RAB27A: variants seen among roughly 807,000 people sequenced by gnomAD.
RAB27A encodes the protein RAB27A, member RAS oncogene family.
A neutral mutation model predicts 20.8 loss-of-function variants in RAB27A; 17 were observed. That is an observed-to-expected ratio of 0.82 (90% CI 0.56 to 1.23). The LOEUF (loss-of-function observed/expected upper bound fraction) is 1.23, where lower values mean the gene tolerates loss of function less well. Ranked by LOEUF, RAB27A falls within the 50% of genes most tolerant of loss-of-function variation. The probability of loss-of-function intolerance (pLI) is 0.00; values close to 1 mark genes in which losing one functional copy is unlikely to be tolerated. For synonymous variants in RAB27A, 85 were observed against 92.8 expected, an observed-to-expected ratio of 0.92 and a Z score of 0.48; for missense variants, 277 against 266.7, an observed-to-expected ratio of 1.04 and a Z score of -0.27.
intron 2 of RAB27A, among the ~76,000 whole-genome samples, chr15:55,265,946 T>C (rs1481671024): frequency 1.3e-5 from 2 of 152,180 alleles, no homozygotes; most frequent in Non-Finnish European, 1.5e-5. Context: ...CCACGGGCTC[T>C]TTATGCAGGA....
At chr15:55,299,141 A>C (rs950845388) in intron 2 of RAB27A, among the ~76,000 whole-genome samples, 35 of 152,268 alleles carry the variant, frequency 2.3e-4, no homozygotes. Flanking sequence ...ATAAGTGTCC[A>C]TGAAATTGTC....
intron 6 of RAB27A, among the ~76,000 whole-genome samples, chr15:55,213,015 A>C (rs1029260395): frequency 3.3e-5 from 5 of 152,242 alleles, no homozygotes; most frequent in Admixed American, 3.3e-4. Flanking sequence ...AGGATTAATC[A>C]AGTGACAAAT....
intron 2 of RAB27A, among the ~76,000 whole-genome samples, chr15:55,244,339 C>G (rs375249007): frequency 6.6e-6 from 1 of 151,738 alleles, no homozygotes; most frequent in Admixed American, 6.6e-5. Context: ...ACAAACAAAA[C>G]AAAACAAAAA....
chr15:55,227,731 T>G (rs997060825), intron 5 of RAB27A, among the ~76,000 whole-genome samples: 2 of 152,156 alleles, frequency 1.3e-5, no homozygotes, highest in South Asian at 4.1e-4. Context: ...AAAACCACAG[T>G]GCACTAAATT....
intron 1 of RAB27A, among the ~76,000 whole-genome samples, chr15:55,281,634 G>A (rs889899888): frequency 6.6e-6 from 1 of 151,824 alleles, no homozygotes; most frequent in African/African-American, 2.4e-5. Flanking sequence ...ATCCACTTGA[G>A]CCCAGGATGT....
chr15:55,280,229 T>C (rs746295686), intron 1 of RAB27A, among the ~76,000 whole-genome samples: 68 of 152,082 alleles, frequency 4.5e-4, no homozygotes, highest in Non-Finnish European at 6.5e-4. Flanking sequence ...GTTTGAACAA[T>C]GCATAGAGAG....
intron 6 of RAB27A, chr15:55,206,343 G>C (rs994996505): frequency 1.3e-6 from 1 of 755,384 alleles, no homozygotes; most frequent in Non-Finnish European, 1.6e-6. Flanking sequence ...ATCTTTTTTC[G>C]TTTAAGTTTT....
At chr15:55,219,834 A>T (rs1895481289) in intron 6 of RAB27A, among the ~76,000 whole-genome samples, 1 of 152,130 alleles carries the variant, frequency 6.6e-6, no homozygotes, top group Admixed American at 6.6e-5. Flanking sequence ...GGAAACCATT[A>T]TGTTGCATTT....
chr15:55,256,136 C>T (rs116286795), intron 2 of RAB27A, among the ~76,000 whole-genome samples: 1,842 of 152,212 alleles, frequency 0.012, 47 homozygotes, highest in African/African-American at 0.042. Flanking sequence ...AGCAATCTGT[C>T]GGGCATGGAG....
upstream of RAB27A, among the ~76,000 whole-genome samples, chr15:55,292,515 C>T (rs1419329662): frequency 6.6e-6 from 1 of 152,156 alleles, no homozygotes; most frequent in Non-Finnish European, 1.5e-5. Context: ...ACATATTTGA[C>T]ATATTTAGGA....
chr15:55,308,400 T>C (rs1247302732), intron 2 of RAB27A, among the ~76,000 whole-genome samples: 1 of 152,230 alleles, frequency 6.6e-6, no homozygotes. Context: ...TTTTTCCTTC[T>C]CCTAATTCTA....
chr15:55,266,791 A>G (rs746193714), intron 2 of RAB27A, among the ~76,000 whole-genome samples: 45 of 152,118 alleles, frequency 3.0e-4, no homozygotes, highest in African/African-American at 9.9e-4. Flanking sequence ...TCTCAGACAC[A>G]CTCTCAACTA....
intron 2 of RAB27A, among the ~76,000 whole-genome samples, chr15:55,269,347 C>T (rs1897624679): frequency 6.6e-6 from 1 of 152,136 alleles, no homozygotes; most frequent in African/African-American, 2.4e-5. Context: ...ATAACAATAC[C>T]CTTATCAAAC....
At chr15:55,244,823 T>C (rs1452440680) in intron 2 of RAB27A, among the ~76,000 whole-genome samples, 1 of 152,218 alleles carries the variant, frequency 6.6e-6, no homozygotes, top group Non-Finnish European at 1.5e-5. Context: ...GTTCAGTGAT[T>C]GATTTGGAGA....
At chr15:55,256,454 A>T (rs1308560078) in intron 2 of RAB27A, among the ~76,000 whole-genome samples, 2 of 152,186 alleles carry the variant, frequency 1.3e-5, no homozygotes, top group Admixed American at 6.5e-5. Flanking sequence ...CCGTGACTCA[A>T]AGCAAGAGCC....
intron 1 of RAB27A, among the ~76,000 whole-genome samples, chr15:55,273,633 C>T (rs1468192544): frequency 6.6e-6 from 1 of 152,000 alleles, no homozygotes; most frequent in Admixed American, 6.6e-5. Flanking sequence ...AAGTAAAAAA[C>T]AGTCCCAAGA....
intron 2 of RAB27A, among the ~76,000 whole-genome samples, chr15:55,243,879 A>G (rs1172011390): frequency 6.6e-6 from 1 of 152,202 alleles, no homozygotes; most frequent in African/African-American, 2.4e-5. Context: ...TGGGTTTTCA[A>G]ATAAGTCCAT....
chr15:55,241,628 G>A lies in RAB27A; in HGVS notation c.-22-6672C>T, dbSNP rs1392137053. ...TATATATATATATATATATATATGT[G>A]TGTATATATATTTGTTTTTTTTTTT... On this transcript the variant is annotated intron_variant, in intron 2 of 6. Transcript: ENST00000336787. Among the ~76,000 whole-genome samples the A allele has an allele frequency of 4.4e-3, 518 of 117,438 alleles. 11 individuals are homozygous for A. Among genetic ancestry groups the A allele is most frequent in the African/African-American group, 0.031 (483 of 15,496 alleles). 77.0% of individuals were successfully genotyped at this position (117,438 alleles called of 152,430 possible). A position where few individuals can be genotyped will look rare whatever the true frequency, so the allele number is the denominator to read the frequency against.
chr15:55,275,918 T>TAAAAAAAAAA (rs60106785), intron 1 of RAB27A, among the ~76,000 whole-genome samples: 5 of 104,128 alleles, frequency 4.8e-5, no homozygotes, highest in Admixed American at 1.2e-4. Context: ...GATGGCTAAT[T>TAAAAAAAAAA]AAAAAAAAAA....
Sources: gnomAD v4.1 joint callset for allele counts (sites outside exome capture counted in the v4.1 genomes callset) on GRCh38, gnomAD v4.1.1 for gene constraint, MANE v1.5 for transcripts, NCBI Gene and HGNC (gene_info 2026-07-23, HGNC 2026-07-21) for gene names.